The following SLC26A11 variants were observed in gnomAD, a reference collection of about 807,000 sequenced individuals.
The protein encoded by SLC26A11 is sodium-independent sulfate anion transporter.
A neutral mutation model predicts 62.2 loss-of-function variants in SLC26A11; 58 were observed. The ratio of observed to expected loss-of-function variants is 0.93; its 90% CI spans 0.76 to 1.16. The LOEUF (loss-of-function observed/expected upper bound fraction) is 1.16, where lower values mean the gene tolerates loss of function less well. SLC26A11 is among the 50% of genes most tolerant of loss of function. The probability of loss-of-function intolerance (pLI) is 0.00; values close to 1 mark genes in which losing one functional copy is unlikely to be tolerated. For synonymous variants in SLC26A11, 411 were observed against 368.9 expected, an observed-to-expected ratio of 1.11 and a Z score of -1.31; for missense variants, 790 against 794.3, an observed-to-expected ratio of 0.99 and a Z score of 0.06.
intron 7 of SLC26A11, among the ~76,000 whole-genome samples, chr17:80,232,522 T>C (rs893907026): frequency 6.6e-6 from 1 of 152,244 alleles, no homozygotes; most frequent in Non-Finnish European, 1.5e-5. Context: ...CCCAAAGTGC[T>C]GGGACACCAC....
chr17:80,221,559 A>C lies in SLC26A11; in HGVS notation c.-2A>C. On this transcript the variant is annotated 5_prime_UTR_variant, in exon 3 of 18. Coordinates refer to ENST00000361193, the MANE Select transcript of SLC26A11 (RefSeq NM_001166347.2). Reference sequence around the variant, plus strand: ...CCTGCACCCCCCAGCCCCACCGTAGAGATGCCTTCTTCGGTGACGGCGCTG... The same window carrying C: ...CCTGCACCCCCCAGCCCCACCGTAGCGATGCCTTCTTCGGTGACGGCGCTG... 1 of 1,588,518 alleles carries C rather than the reference A, an allele frequency of 6.3e-7. No individual in the cohort carries two copies. The highest frequency in any genetic ancestry group is 8.5e-7 in the Non-Finnish European group (1 of 1,171,814).
intron 17 of SLC26A11, among the ~76,000 whole-genome samples, 172 bp downstream of exon 17, chr17:80,251,573 G>A (rs1219585198): frequency 6.6e-6 from 1 of 152,122 alleles, no homozygotes; most frequent in Non-Finnish European, 1.5e-5. Context: ...GACCAGCCTG[G>A]CCAACATGGT....
In SLC26A11 at chr17:80,248,267, C is replaced by T. The variant is rs376230905; in HGVS notation, c.1422+10C>T. The stretch of plus-strand genomic sequence containing the variant: ...CAGGCCTGAGACCAAGGTACCCCTC[C>T]GTGGCCTCTGAGTGGGGAGTGTGCT... On this transcript the variant is annotated intron_variant, in intron 14 of 17. Transcript: ENST00000361193. The T allele has an allele frequency of 2.4e-5, 38 of 1,604,564 alleles. No individual in the cohort carries two copies. Among genetic ancestry groups the T allele is most frequent in the Non-Finnish European group, 2.7e-5 (32 of 1,177,378 alleles).
chr17:80,237,373 GCCTCT>G (rs772761216), intron 8 of SLC26A11, 144 bp from the exon 9 acceptor site: 65 of 804,706 alleles, frequency 8.1e-5, no homozygotes, highest in Non-Finnish European at 1.1e-4. Context: ...AGCACCTGGC[GCCTCT>G]TCAGACAAGG....
chr17:80,232,001 T>C (rs2042576915), intron 7 of SLC26A11, among the ~76,000 whole-genome samples: 2 of 152,238 alleles, frequency 1.3e-5, no homozygotes, highest in African/African-American at 4.8e-5. Flanking sequence ...CTACTTGTTC[T>C]GTTGATTATT....
Position 80,221,528 on chromosome 17 carries a change from G to A in SLC26A11, c.-13-20G>A. 6.6e-7 allele frequency: 1 copy of A among 1,507,800 alleles called. No individual in the cohort carries two copies. Among genetic ancestry groups the A allele is most frequent in the Non-Finnish European group, 8.9e-7 (1 of 1,124,836 alleles). 93.4% of individuals were successfully genotyped at this position (1,507,800 alleles called of 1,614,324 possible). ...AAGGCCACGCTCTGACTGCTGGTCT[G>A]TGTCACCTGCACCCCCCAGCCCCAC... On this transcript the variant is annotated intron_variant, in intron 2 of 17. Transcript: ENST00000361193.
intron 9 of SLC26A11, among the ~76,000 whole-genome samples, chr17:80,239,545 A>G (rs1371539646): frequency 6.6e-6 from 1 of 151,662 alleles, no homozygotes; most frequent in African/African-American, 2.4e-5. Flanking sequence ...GTCCGCCACC[A>G]CGCCCAGCTA....
Position 80,222,295 on chromosome 17 carries a change from G to C in SLC26A11, c.235-360G>C, listed in dbSNP as rs2042240355. ...GGAGGCTGAGGCAGGAGAATGGCGT[G>C]AACCCGGGAGGCGGAGCTTGCAGTG... On this transcript the variant is annotated intron_variant, in intron 3 of 17. Transcript: ENST00000361193. This position sits in a 1 kb window ranked among gnomAD's most constrained non-coding sequence, Gnocchi z 4.7. 1 of 206,170 alleles carries C rather than the reference G, an allele frequency of 4.9e-6. No individual in the cohort carries two copies. Among genetic ancestry groups the C allele is most frequent in the African/African-American group, 2.3e-5 (1 of 42,864 alleles). 12.8% of individuals were successfully genotyped at this position (206,170 alleles called of 1,614,324 possible). A position where few individuals can be genotyped will look rare whatever the true frequency, so the allele number is the denominator to read the frequency against.
chr17:80,246,538 C>T lies in SLC26A11; in HGVS notation c.1183C>T (p.Leu395=), dbSNP rs749106661. The change falls in exon 13 of 18, where the codon CTG becomes TTG. Residue 395 remains leucine, a synonymous_variant. Transcript: ENST00000361193. The surrounding 1 kb of genome is among the most constrained non-coding windows in gnomAD (Gnocchi z 4.4). ...GCTGGTGCTGCTGTCTCTGGACTAC[C>T]TGACCTCACTGTTCTACTACATCCC... ...GVLVLLSLDY[L]TSLFYYIPKS... 3 of 1,613,156 alleles carry T rather than the reference C, an allele frequency of 1.9e-6. No homozygotes were observed. Among genetic ancestry groups the T allele is most frequent in the Admixed American group, 1.7e-5 (1 of 60,024 alleles).
At chr17:80,238,121 G>C (rs1167841978) in intron 9 of SLC26A11, among the ~76,000 whole-genome samples, 2 of 152,240 alleles carry the variant, frequency 1.3e-5, no homozygotes, top group Non-Finnish European at 2.9e-5. Context: ...ACTTTGGGAG[G>C]CTGAGACGGG....
At chr17:80,234,749 TTTTTTCTG>T (rs2042647763) in intron 7 of SLC26A11, among the ~76,000 whole-genome samples, 2 of 152,234 alleles carry the variant, frequency 1.3e-5, no homozygotes, top group African/African-American at 4.8e-5. Context: ...TTTTAGTCTT[TTTTTTCTG>T]TAATGTCTCA....
chr17:80,231,035 C>G (rs34026782), intron 7 of SLC26A11, among the ~76,000 whole-genome samples: 1 of 44,850 alleles, frequency 2.2e-5, no homozygotes, highest in African/African-American at 7.4e-5. Context: ...CAAAGAACCA[C>G]CTTTGGTTTC....
At chr17:80,224,407 G>C (rs1445563348) in intron 5 of SLC26A11, among the ~76,000 whole-genome samples, 1 of 145,076 alleles carries the variant, frequency 6.9e-6, no homozygotes, top group African/African-American at 2.6e-5. Flanking sequence ...GAGTGTGAGA[G>C]TGAGTGTGAG....
intron 2 of SLC26A11, 118 bp downstream of exon 2, chr17:80,221,233 T>G: frequency 3.1e-6 from 1 of 321,686 alleles, no homozygotes. Context: ...GCCTAATTAG[T>G]CTTCAGACTT....
At chr17:80,229,602 G>C (rs2042507235) in intron 7 of SLC26A11, among the ~76,000 whole-genome samples, 1 of 151,560 alleles carries the variant, frequency 6.6e-6, no homozygotes, top group Admixed American at 6.6e-5. Context: ...GCTAATTTTT[G>C]TATTTTGAGT....
In SLC26A11 at chr17:80,228,660, G is replaced by A. The variant is rs189581466; in HGVS notation, c.736+700G>A. 1.6e-3 allele frequency among the ~76,000 whole-genome samples: 246 copies of A among 152,364 alleles called. No individual in the cohort carries two copies. Among genetic ancestry groups the A allele is most frequent in the African/African-American group, 5.5e-3 (230 of 41,592 alleles). On this transcript the variant is annotated intron_variant, in intron 7 of 17. Coordinates refer to ENST00000361193, the MANE Select transcript of SLC26A11 (RefSeq NM_001166347.2). The surrounding 1 kb of genome is among the most constrained non-coding windows in gnomAD (Gnocchi z 4.1). ...GGAATGCCACTAAGCCCCTGACGGC[G>A]CACAGCCTTCCACAGCAAACAGTGA...
At chr17:80,235,284 G>A (rs1337764963) in intron 7 of SLC26A11, among the ~76,000 whole-genome samples, 1 of 151,778 alleles carries the variant, frequency 6.6e-6, no homozygotes. Context: ...ATTACATTTG[G>A]TTACAGTTAC....
At chr17:80,236,578 GA>G (rs1212041021) in intron 7 of SLC26A11, among the ~76,000 whole-genome samples, 1 of 152,200 alleles carries the variant, frequency 6.6e-6, no homozygotes, top group African/African-American at 2.4e-5. Context: ...TGTTGTTTGG[GA>G]AAGGGGGTAA....
At chr17:80,242,777 C>T (rs998914233) in intron 10 of SLC26A11, among the ~76,000 whole-genome samples, 21 of 152,296 alleles carry the variant, frequency 1.4e-4, no homozygotes, top group Admixed American at 9.1e-4. Flanking sequence ...GGTACAATCT[C>T]GGCTCACTGC....
Sources: allele counts gnomAD v4.1 joint callset (sites outside exome capture counted in the v4.1 genomes callset), GRCh38; gene constraint gnomAD v4.1.1; non-coding constraint Gnocchi (gnomAD v3.1); transcripts MANE v1.5; gene names NCBI Gene and HGNC (gene_info 2026-07-23, HGNC 2026-07-21).